NOL4: variants seen among roughly 807,000 people sequenced by gnomAD.
NOL4 encodes the protein cancer/testis antigen 125.
A neutral mutation model predicts 75.9 loss-of-function variants in NOL4; 17 were observed. The observed-to-expected ratio is 0.22, with a 90% confidence interval of 0.15 to 0.34. The LOEUF (loss-of-function observed/expected upper bound fraction) is 0.34, where lower values mean the gene tolerates loss of function less well. NOL4 is among the 10% of genes least tolerant of loss of function. NOL4 has a pLI of 1.00. For synonymous variants in NOL4, 292 were observed against 289.9 expected (o/e 1.01, Z -0.07); for missense variants, 614 against 793.5 (o/e 0.77, Z 2.72).
intron 6 of NOL4, among the ~76,000 whole-genome samples, chr18:34,005,444 C>A (rs908142667): frequency 6.6e-6 from 1 of 152,028 alleles, no homozygotes; most frequent in African/African-American, 2.4e-5. Context: ...CTTATGGCAA[C>A]CTGGTGACAC....
chr18:34,162,785 C>T (rs1219827022), intron 1 of NOL4, among the ~76,000 whole-genome samples: 1 of 152,022 alleles, frequency 6.6e-6, no homozygotes, highest in African/African-American at 2.4e-5. Flanking sequence ...AGAGACACAA[C>T]CAAAAAAGAG....
chr18:33,998,555 G>T (rs142498820), intron 6 of NOL4, among the ~76,000 whole-genome samples: 88 of 152,216 alleles, frequency 5.8e-4, no homozygotes, highest in African/African-American at 2.0e-3. Flanking sequence ...GATTTGTAGA[G>T]AAAAAGCTTG....
At chr18:33,906,807 T>C (rs2066074545) in intron 9 of NOL4, among the ~76,000 whole-genome samples, 1 of 152,192 alleles carries the variant, frequency 6.6e-6, no homozygotes, top group African/African-American at 2.4e-5. Flanking sequence ...GATATTTTCC[T>C]TTTCCACACC....
At chr18:34,172,286 G>T (rs984663988) in intron 1 of NOL4, among the ~76,000 whole-genome samples, 1 of 151,924 alleles carries the variant, frequency 6.6e-6, no homozygotes, top group Non-Finnish European at 1.5e-5. Context: ...TAATATAACT[G>T]AATCACCCAG....
At chr18:33,904,714 G>A (rs1170167449) in intron 9 of NOL4, among the ~76,000 whole-genome samples, 1 of 152,124 alleles carries the variant, frequency 6.6e-6, no homozygotes. Context: ...TGTTAAATAT[G>A]TATGTTTAGC....
chr18:33,924,423 TA>T (rs1260254628), intron 9 of NOL4, among the ~76,000 whole-genome samples: 1 of 152,190 alleles, frequency 6.6e-6, no homozygotes, highest in African/African-American at 2.4e-5. Flanking sequence ...ACTACGGCAT[TA>T]ATCCCAGTGA....
Position 33,957,393 on chromosome 18 carries a change from C to T in NOL4, c.1361G>A (p.Arg454His), listed in dbSNP as rs2069732129. ...CRRQFPEYQERARKRIRTYLK... is the reference protein window; with the variant it reads ...CRRQFPEYQEHARKRIRTYLK... ...GTAAGTACGTATACGTTTTCTGGCA[C>T]GCTCTTGATACTCAGGGAATTGTCG... is the stretch of plus-strand genomic sequence containing the variant. Residue 454 changes from arginine (R) to histidine (H), a missense_variant, in exon 8 of 11, where the codon CGT (arginine) becomes CAT (histidine). Transcript: ENST00000261592. The T allele has an allele frequency of 6.8e-6, 11 of 1,613,694 alleles. No individual in the cohort carries two copies. The highest frequency in any genetic ancestry group is 9.3e-6 in the Non-Finnish European group (11 of 1,179,794).
At chr18:34,079,803 T>C (rs1201812017) in intron 5 of NOL4, among the ~76,000 whole-genome samples, 1 of 152,228 alleles carries the variant, frequency 6.6e-6, no homozygotes, top group African/African-American at 2.4e-5. Context: ...TAAAGCCAAG[T>C]TTTTAGAATT....
intron 1 of NOL4, among the ~76,000 whole-genome samples, chr18:34,130,706 A>C (rs1405875987): frequency 6.6e-6 from 1 of 152,308 alleles, no homozygotes; most frequent in East Asian, 1.9e-4. Flanking sequence ...GAATTAAATG[A>C]AATGACATAT....
intron 1 of NOL4, among the ~76,000 whole-genome samples, chr18:34,135,879 CAGG>C (rs2080870790): frequency 1.3e-5 from 2 of 151,618 alleles, no homozygotes; most frequent in Admixed American, 1.3e-4. Flanking sequence ...AAATATATCA[CAGG>C]ATAAAAAAGA....
At chr18:34,155,303 AACCTTGAT>A (rs2030173447) in intron 1 of NOL4, among the ~76,000 whole-genome samples, 1 of 152,052 alleles carries the variant, frequency 6.6e-6, no homozygotes, top group Admixed American at 6.6e-5. Context: ...AAATCAGAGA[AACCTTGAT>A]AACTGAGTTG....
intron 4 of NOL4, among the ~76,000 whole-genome samples, chr18:34,098,826 A>G (rs2078908621): frequency 6.6e-6 from 1 of 152,140 alleles, no homozygotes; most frequent in Admixed American, 6.5e-5. Flanking sequence ...TACCAGTTTA[A>G]TCATTAGGGC....
chr18:34,100,651 C>T (rs908454182), intron 4 of NOL4, among the ~76,000 whole-genome samples: 1 of 152,200 alleles, frequency 6.6e-6, no homozygotes, highest in Non-Finnish European at 1.5e-5. Context: ...TGGTTCCTCC[C>T]TATCTGCCAG....
At chr18:33,873,261 AAAAG>A (rs752178058) in intron 10 of NOL4, among the ~76,000 whole-genome samples, 39 of 151,986 alleles carry the variant, frequency 2.6e-4, no homozygotes, top group Non-Finnish European at 4.7e-4. Flanking sequence ...TTTTTCACAC[AAAAG>A]AAACATCCAG....
intron 10 of NOL4, among the ~76,000 whole-genome samples, chr18:33,870,622 C>A (rs1049430576): frequency 6.6e-6 from 1 of 151,604 alleles, no homozygotes; most frequent in Non-Finnish European, 1.5e-5. Context: ...TGAAAAAACA[C>A]AATGAAAATA....
At chr18:34,042,757 G>A (rs968454049) in intron 5 of NOL4, among the ~76,000 whole-genome samples, 1 of 151,996 alleles carries the variant, frequency 6.6e-6, no homozygotes, top group Non-Finnish European at 1.5e-5. Flanking sequence ...GAAATCTCAT[G>A]TGCTAAAGCC....
chr18:33,925,513 T>TGACTATTGAA (rs2067271368), intron 9 of NOL4, among the ~76,000 whole-genome samples: 1 of 152,188 alleles, frequency 6.6e-6, no homozygotes, highest in Non-Finnish European at 1.5e-5. Context: ...ATTGGACTTC[T>TGACTATTGAA]CAAATTTGCT....
At chr18:34,148,098 TTCTC>T (rs1341402893) in intron 1 of NOL4, among the ~76,000 whole-genome samples, 1 of 152,110 alleles carries the variant, frequency 6.6e-6, no homozygotes, top group African/African-American at 2.4e-5. Flanking sequence ...TGTTTGATTC[TTCTC>T]TATTTTCTTG....
chr18:33,902,069 T>A (rs2065778371), intron 9 of NOL4, among the ~76,000 whole-genome samples: 1 of 151,996 alleles, frequency 6.6e-6, no homozygotes, highest in Admixed American at 6.6e-5. Context: ...AATCAGAAAG[T>A]CCAAGTATGC....
Sources: allele counts gnomAD v4.1 joint callset (sites outside exome capture counted in the v4.1 genomes callset), GRCh38; gene constraint gnomAD v4.1.1; transcripts MANE v1.5; gene names NCBI Gene and HGNC (gene_info 2026-07-23, HGNC 2026-07-21).